Variants in HCN1 observed in about 807,000 individuals in gnomAD.
HCN1 encodes hyperpolarization activated cyclic nucleotide gated potassium channel 1, also known as potassium/sodium hyperpolarization-activated cyclic nucleotide-gated channel 1.
In HCN1, 13 loss-of-function variants were observed where a neutral mutation model predicts 78.9. The observed-to-expected ratio is 0.16, with a 90% confidence interval of 0.11 to 0.26. The LOEUF (loss-of-function observed/expected upper bound fraction) is 0.26. HCN1 is among the 10% of genes least tolerant of loss of function. HCN1 has a pLI of 1.00. For missense variants in HCN1, 810 were observed against 1,154.3 expected, an observed-to-expected ratio of 0.70 and a Z score of 4.32; for synonymous variants, 552 against 455.5, an observed-to-expected ratio of 1.21 and a Z score of -2.70.
At chr5:45,508,338 G>A (rs1742348398) in intron 2 of HCN1, among the ~76,000 whole-genome samples, 1 of 151,878 alleles carries the variant, frequency 6.6e-6, no homozygotes, top group Admixed American at 6.6e-5. Flanking sequence ...TATCCTCAAT[G>A]TTCACAATTT....
intron 4 of HCN1, among the ~76,000 whole-genome samples, chr5:45,362,979 C>T (rs1747147216): frequency 6.6e-6 from 1 of 150,982 alleles, no homozygotes; most frequent in African/African-American, 2.4e-5. Flanking sequence ...GCTTCCATTC[C>T]TTCTATTTCA....
chr5:45,658,608 G>A (rs1470033678), intron 1 of HCN1, among the ~76,000 whole-genome samples: 2 of 151,948 alleles, frequency 1.3e-5, no homozygotes, highest in African/African-American at 2.4e-5. Flanking sequence ...CACCGTGCGC[G>A]AGCCGAAGCA....
intron 2 of HCN1, among the ~76,000 whole-genome samples, chr5:45,580,884 T>G (rs1269400163): frequency 6.6e-6 from 1 of 152,204 alleles, no homozygotes; most frequent in Non-Finnish European, 1.5e-5. Context: ...TTTTTATGGC[T>G]GCATAGTATT....
At chr5:45,415,042 G>A (rs1056703729) in intron 3 of HCN1, among the ~76,000 whole-genome samples, 1 of 151,990 alleles carries the variant, frequency 6.6e-6, no homozygotes, top group African/African-American at 2.4e-5. Context: ...TATCTTGTAA[G>A]CAGTGGTTAA....
intron 2 of HCN1, among the ~76,000 whole-genome samples, chr5:45,605,517 T>C (rs189773722): frequency 2.6e-5 from 4 of 151,606 alleles, no homozygotes; most frequent in Admixed American, 1.3e-4. Context: ...AATGGTAAGA[T>C]GTCCATAATA....
intron 5 of HCN1, among the ~76,000 whole-genome samples, chr5:45,340,924 T>A (rs1443834333): frequency 1.3e-5 from 2 of 152,170 alleles, no homozygotes; most frequent in Admixed American, 1.3e-4. Flanking sequence ...GAGCTATCCA[T>A]CTATAAACTG....
chr5:45,517,791 T>C (rs541420000), intron 2 of HCN1, among the ~76,000 whole-genome samples: 84 of 152,066 alleles, frequency 5.5e-4, no homozygotes, highest in African/African-American at 1.9e-3. Context: ...ACCTGAAAAT[T>C]GTGGCAAAGA....
At chr5:45,455,569 A>C (rs534828137) in intron 3 of HCN1, among the ~76,000 whole-genome samples, 2 of 152,112 alleles carry the variant, frequency 1.3e-5, no homozygotes, top group Admixed American at 1.3e-4. Flanking sequence ...CACTTAATTC[A>C]TAGCTAAGAA....
At chr5:45,599,823 C>A (rs1427883153) in intron 2 of HCN1, among the ~76,000 whole-genome samples, 1 of 151,428 alleles carries the variant, frequency 6.6e-6, no homozygotes, top group Non-Finnish European at 1.5e-5. Context: ...GTAGCATTTT[C>A]TGTTTTTTTT....
At chr5:45,576,802 A>G (rs1436049719) in intron 2 of HCN1, among the ~76,000 whole-genome samples, 1 of 152,014 alleles carries the variant, frequency 6.6e-6, no homozygotes, top group African/African-American at 2.4e-5. Context: ...GGTGTTCTGG[A>G]ACCAAACCAG....
At chr5:45,618,399 C>A (rs1744995845) in intron 2 of HCN1, among the ~76,000 whole-genome samples, 1 of 152,010 alleles carries the variant, frequency 6.6e-6, no homozygotes, top group South Asian at 2.1e-4. Context: ...ATTGTGGGAA[C>A]AAAGAGGTTT....
chr5:45,593,255 C>T (rs919519577), intron 2 of HCN1, among the ~76,000 whole-genome samples: 4 of 147,384 alleles, frequency 2.7e-5, no homozygotes, highest in Non-Finnish European at 4.5e-5. Flanking sequence ...AACACGCACA[C>T]TAGCAGAGAA....
At chr5:45,507,882 T>C (rs1222388650) in intron 2 of HCN1, among the ~76,000 whole-genome samples, 6 of 152,136 alleles carry the variant, frequency 3.9e-5, no homozygotes, top group Non-Finnish European at 8.8e-5. Flanking sequence ...TAGTTTATTA[T>C]AATTCCATGA....
intron 2 of HCN1, 75 bp downstream of exon 2, chr5:45,645,110 C>T (rs1396105113): frequency 3.6e-6 from 4 of 1,100,678 alleles, no homozygotes; most frequent in Non-Finnish European, 5.4e-6. Flanking sequence ...ACACATTGCA[C>T]AGTTGTTCAT....
intron 6 of HCN1, among the ~76,000 whole-genome samples, chr5:45,291,142 A>G (rs1745364672): frequency 6.6e-6 from 1 of 152,004 alleles, no homozygotes; most frequent in Non-Finnish European, 1.5e-5. Flanking sequence ...AACTAATTCC[A>G]AAACCTCTAT....
At chr5:45,397,716 T>C (rs928644680) in intron 3 of HCN1, among the ~76,000 whole-genome samples, 2 of 151,618 alleles carry the variant, frequency 1.3e-5, no homozygotes, top group African/African-American at 4.8e-5. Context: ...ATAACAGTGA[T>C]AAATGAGTAA....
chr5:45,643,793 C>T (rs573034456), intron 2 of HCN1: 15 of 152,122 alleles, frequency 9.9e-5, no homozygotes, highest in African/African-American at 3.6e-4. Context: ...GTGTAATAAG[C>T]CTTCAATAAA....
At chr5:45,462,405 T>G (rs143429415) in intron 2 of HCN1, among the ~76,000 whole-genome samples, 34 of 152,244 alleles carry the variant, frequency 2.2e-4, no homozygotes, top group African/African-American at 7.7e-4. Flanking sequence ...ATAGATTTGT[T>G]GAAAGACAAA....
In HCN1 at chr5:45,602,787, C is replaced by T. The variant is rs544765216; in HGVS notation, c.849+42398G>A. 8.5e-4 allele frequency among the ~76,000 whole-genome samples: 129 copies of T among 152,220 alleles called. 1 individual carries two copies. The highest frequency in any genetic ancestry group is 2.9e-3 in the African/African-American group (119 of 41,542). On this transcript the variant is annotated intron_variant, in intron 2 of 7. Coordinates refer to ENST00000303230, the MANE Select transcript of HCN1 (RefSeq NM_021072.4). ...GTGTTTGTTAAAACTCCAGCGAATA[C>T]ACATGTACACAGTTTTGATATAGTG...
Sources: allele counts gnomAD v4.1 joint callset (sites outside exome capture counted in the v4.1 genomes callset), GRCh38; gene constraint gnomAD v4.1.1; transcripts MANE v1.5; gene names NCBI Gene and HGNC (gene_info 2026-07-23, HGNC 2026-07-21).